The following LRIG1 variants were observed in gnomAD, a reference collection of about 807,000 sequenced individuals.
LRIG1 encodes the protein leucine rich repeats and immunoglobulin like domains 1, also known as leucine-rich repeats and immunoglobulin-like domains protein 1.
Under a neutral mutation model 99.2 loss-of-function variants are expected in LRIG1, and 48 were observed. That is an observed-to-expected ratio of 0.48 (90% confidence interval 0.38 to 0.62). The LOEUF is 0.62. LRIG1 is among the 20% of genes least tolerant of loss of function. The pLI, the probability that LRIG1 is intolerant of heterozygous loss-of-function variation, is 0.00. For missense variants in LRIG1, 1,646 were observed against 1,434.4 expected (o/e 1.15, Z -2.38); for synonymous variants, 772 against 596.1 (o/e 1.29, Z -4.30).
chr3:66,388,278 G>A (rs1701479190), intron 12 of LRIG1, among the ~76,000 whole-genome samples: 1 of 151,842 alleles, frequency 6.6e-6, no homozygotes, highest in African/African-American at 2.4e-5. Flanking sequence ...CAGAAGGAGG[G>A]GGCAGGGAAC....
intron 4 of LRIG1, among the ~76,000 whole-genome samples, chr3:66,416,649 TC>T (rs1272787215): frequency 6.6e-6 from 1 of 152,036 alleles, no homozygotes; most frequent in African/African-American, 2.4e-5. Flanking sequence ...GTAACTGCCC[TC>T]CCCCAAACAA....
chr3:66,458,172 A>C (rs1369535252), intron 2 of LRIG1, among the ~76,000 whole-genome samples: 1 of 152,106 alleles, frequency 6.6e-6, no homozygotes, highest in Non-Finnish European at 1.5e-5. Flanking sequence ...GGTGGAGTGC[A>C]TGGTGCAAAC....
At chr3:66,395,948 C>T (rs1192144412) in intron 11 of LRIG1, among the ~76,000 whole-genome samples, 3 of 152,230 alleles carry the variant, frequency 2.0e-5, no homozygotes, top group Admixed American at 2.0e-4. Flanking sequence ...CTGGGCCATC[C>T]CTGTGCGACG....
At chr3:66,481,077 A>G (rs995837643) in intron 1 of LRIG1, among the ~76,000 whole-genome samples, 3 of 152,180 alleles carry the variant, frequency 2.0e-5, no homozygotes, top group East Asian at 3.9e-4. Context: ...GAAATGGCCA[A>G]CGGTCCCCCT....
rs75969469 is a variant in LRIG1, at chr3:66,475,933, A to G, written c.219-13424T>C. On this transcript the variant is annotated intron_variant, in intron 1 of 18. Coordinates refer to ENST00000273261, the MANE Select transcript of LRIG1 (RefSeq NM_015541.3). ...AGTTATTCACGTAATTCGCCACTAC[A>G]AAGCCCCAAAACAGAGATTCTTTAC... 4.0e-3 allele frequency among the ~76,000 whole-genome samples: 605 copies of G among 152,334 alleles called. 5 individuals are homozygous for G. Among genetic ancestry groups the G allele is most frequent in the East Asian group, 0.031 (160 of 5,176 alleles).
intron 1 of LRIG1, among the ~76,000 whole-genome samples, chr3:66,484,438 A>G (rs1410819419): frequency 6.6e-6 from 1 of 152,204 alleles, no homozygotes; most frequent in Admixed American, 6.5e-5. Context: ...ACTTCTATAC[A>G]TAGCACTGCA....
chr3:66,473,240 T>A (rs1452415838), intron 1 of LRIG1, among the ~76,000 whole-genome samples: 1 of 152,190 alleles, frequency 6.6e-6, no homozygotes, highest in Non-Finnish European at 1.5e-5. Flanking sequence ...TCATTCCCCA[T>A]CCACAAAAAA....
chr3:66,430,399 C>T (rs1412106827), intron 3 of LRIG1, among the ~76,000 whole-genome samples: 1 of 152,162 alleles, frequency 6.6e-6, no homozygotes, highest in Non-Finnish European at 1.5e-5. Context: ...TCAATTGAAC[C>T]CCAAACACTG....
At position 66,379,226 on chromosome 3, in the gene LRIG1, G is replaced by A. The variant is rs1378305587; in HGVS notation, c.*1037C>T. The A allele has an allele frequency of 6.6e-6, 1 of 152,604 alleles. No homozygotes were observed. Among genetic ancestry groups the A allele is most frequent in the Non-Finnish European group, 1.5e-5 (1 of 68,042 alleles). The allele number at this position is 152,604 out of a possible 1,614,324, so 9.5% of individuals were successfully genotyped here. A position where few individuals can be genotyped will look rare whatever the true frequency, so the allele number is the denominator to read the frequency against. ...ATACCCAGAACCCAGGTCAAGGGCT[G>A]TCCTTTCCAGTCCCAGCTCAGTTTC... On this transcript the variant is annotated 3_prime_UTR_variant, in exon 19 of 19. Coordinates refer to ENST00000273261, the MANE Select transcript of LRIG1 (RefSeq NM_015541.3).
chr3:66,391,812 A>T (rs953127211), intron 12 of LRIG1, among the ~76,000 whole-genome samples: 1 of 152,198 alleles, frequency 6.6e-6, no homozygotes, highest in African/African-American at 2.4e-5. Flanking sequence ...AGAATACTTC[A>T]TCTACACTAC....
At chr3:66,435,690 G>A (rs1241924331) in intron 3 of LRIG1, among the ~76,000 whole-genome samples, 4 of 152,262 alleles carry the variant, frequency 2.6e-5, no homozygotes, top group Non-Finnish European at 4.4e-5. Flanking sequence ...TGACTGCATC[G>A]ATGTCAATAT....
intron 9 of LRIG1, chr3:66,404,265 T>C: frequency 2.3e-6 from 3 of 1,289,330 alleles, no homozygotes; most frequent in Non-Finnish European, 3.0e-6. Flanking sequence ...CGAGCTCCAC[T>C]AGGGCTTTCC....
At position 66,383,127 on chromosome 3, in the gene LRIG1, G is replaced by C. The variant is rs112700187; in HGVS notation, c.2346C>G (p.Pro782=). The change falls in exon 15 of 19, where the codon CCC becomes CCG. Residue 782 remains proline, a synonymous_variant. Transcript: ENST00000273261. ...ERAHSQLSVL[P]AAGCRKDGTT... is the part of the protein sequence containing the mutation. ...TCCCATCCTTCCTGCAGCCTGCTGCGGGCAGGACGCTCAGCTGGCTGTGAG... is the reference window on the plus strand; with the variant it reads ...TCCCATCCTTCCTGCAGCCTGCTGCCGGCAGGACGCTCAGCTGGCTGTGAG... 2.5e-6 allele frequency: 4 copies of C among 1,614,232 alleles called. No individual in the cohort carries two copies. The East Asian group carries it at 8.9e-5, about 36-fold the overall frequency.
intron 14 of LRIG1, among the ~76,000 whole-genome samples, 162 bp from the exon 15 acceptor site, chr3:66,383,563 G>A (rs1486086684): frequency 6.6e-6 from 1 of 152,192 alleles, no homozygotes; most frequent in Non-Finnish European, 1.5e-5. Flanking sequence ...CTCATTGACT[G>A]AGTCATCTCC....
chr3:66,441,547 A>G (rs1319767295), intron 3 of LRIG1, among the ~76,000 whole-genome samples: 1 of 152,182 alleles, frequency 6.6e-6, no homozygotes, highest in African/African-American at 2.4e-5. Flanking sequence ...ACCAAGAGCT[A>G]CCCAAAGCAA....
chr3:66,434,086 AT>A (rs1185379281), intron 3 of LRIG1, among the ~76,000 whole-genome samples: 8 of 152,270 alleles, frequency 5.3e-5, no homozygotes, highest in Non-Finnish European at 1.0e-4. Context: ...CTTAACACTT[AT>A]TAGGCTTTAT....
At chr3:66,499,207 A>G (rs1031276622) in intron 1 of LRIG1, among the ~76,000 whole-genome samples, 32 of 152,148 alleles carry the variant, frequency 2.1e-4, no homozygotes, top group African/African-American at 7.7e-4. Flanking sequence ...ATGTTTACAC[A>G]GAAGTCTAAT....
At chr3:66,385,270 C>G (rs1290081204) in intron 13 of LRIG1, among the ~76,000 whole-genome samples, 1 of 152,178 alleles carries the variant, frequency 6.6e-6, no homozygotes, top group Non-Finnish European at 1.5e-5. Flanking sequence ...TCACACCAGC[C>G]TTGCACTCCA....
At position 66,394,061 on chromosome 3, in the gene LRIG1, G is replaced by T; in HGVS notation, c.1447C>A (p.Pro483Thr). 1 of 1,614,068 alleles carries T rather than the reference G, an allele frequency of 6.2e-7. No individual in the cohort carries two copies. Among genetic ancestry groups the T allele is most frequent in the Non-Finnish European group, 8.5e-7 (1 of 1,179,994 alleles). The change falls in exon 12 of 19, where the codon CCA becomes ACA. Residue 483 changes from proline to threonine, a missense_variant. Physicochemically the swap from Pro to Thr is conservative, Grantham distance 38. Transcript: ENST00000273261. ...SLKGQSIFSV[P>T]PESFVCDDFL... Reference sequence around the variant, plus strand: ...TTACCGCACACGAAACTCTCTGGTGGCACAGAGAAAATGCTCTGACCCTTC... The same window carrying T: ...TTACCGCACACGAAACTCTCTGGTGTCACAGAGAAAATGCTCTGACCCTTC...
Sources: allele counts gnomAD v4.1 joint callset (sites outside exome capture counted in the v4.1 genomes callset), GRCh38; gene constraint gnomAD v4.1.1; transcripts MANE v1.5; gene names NCBI Gene and HGNC (gene_info 2026-07-23, HGNC 2026-07-21).